The following SLC2A5 variants were observed in gnomAD, a reference collection of about 807,000 sequenced individuals.
SLC2A5 encodes solute carrier family 2 member 5, also known as solute carrier family 2, facilitated glucose transporter member 5.
Under a neutral mutation model 50.3 loss-of-function variants are expected in SLC2A5, and 56 were observed. The observed-to-expected ratio is 1.11, with a 90% confidence interval of 0.90 to 1.39. The LOEUF (loss-of-function observed/expected upper bound fraction) is 1.39. Ranked by LOEUF, SLC2A5 falls within the 40% of genes most tolerant of loss-of-function variation. The probability of loss-of-function intolerance (pLI) is 0.00; values close to 1 mark genes in which losing one functional copy is unlikely to be tolerated. For missense variants in SLC2A5, 566 were observed against 650.1 expected, an observed-to-expected ratio of 0.87 and a Z score of 1.41; for synonymous variants, 269 against 281.9, an observed-to-expected ratio of 0.95 and a Z score of 0.46.
chr1:9,078,308 G>A lies in SLC2A5; in HGVS notation c.-59+6706C>T, dbSNP rs778123802. Among the ~76,000 whole-genome samples the A allele has an allele frequency of 2.0e-5, 3 of 152,148 alleles. No homozygotes were observed. In the East Asian group the frequency reaches 5.8e-4, roughly 29 times the overall value. On this transcript the variant is annotated intron_variant, in intron 2 of 5. Transcript: ENST00000464985. Reference sequence around the variant, plus strand: ...TTTACCACATCCTTTCATCAGCAAGGTTTTTGTGACCTTGTGCTGACTTCT... The same window carrying A: ...TTTACCACATCCTTTCATCAGCAAGATTTTTGTGACCTTGTGCTGACTTCT...
chr1:9,092,685 C>T (rs1176386703), upstream of SLC2A5, among the ~76,000 whole-genome samples: 1 of 152,152 alleles, frequency 6.6e-6, no homozygotes, highest in Non-Finnish European at 1.5e-5. Context: ...CTACTGTCGC[C>T]TCCAAATTAA....
intron 11 of SLC2A5, 53 bp from the exon 12 acceptor site, chr1:9,037,842 C>T (rs901852998): frequency 3.6e-5 from 58 of 1,613,696 alleles, no homozygotes; most frequent in South Asian, 7.7e-5. Flanking sequence ...CCCAGGGGCT[C>T]GCACTGTACT....
chr1:9,064,734 G>A (rs895570106), intron 1 of SLC2A5, among the ~76,000 whole-genome samples: 41 of 152,084 alleles, frequency 2.7e-4, no homozygotes, highest in African/African-American at 9.9e-4. Flanking sequence ...GCCATACACC[G>A]GACACCACAG....
chr1:9,062,789 T>C (rs979072222), intron 1 of SLC2A5, among the ~76,000 whole-genome samples: 1 of 152,112 alleles, frequency 6.6e-6, no homozygotes, highest in Admixed American at 6.5e-5. Flanking sequence ...GGAGAATCGC[T>C]TGAACCTGGG....
chr1:9,061,801 G>C (rs1569891680), intron 1 of SLC2A5, among the ~76,000 whole-genome samples: 1 of 152,088 alleles, frequency 6.6e-6, no homozygotes, highest in Non-Finnish European at 1.5e-5. Context: ...TGGTGGAGCT[G>C]GCTGGTTCCC....
intron 1 of SLC2A5, among the ~76,000 whole-genome samples, chr1:9,087,751 T>C (rs920190080): frequency 7.9e-5 from 12 of 152,122 alleles, no homozygotes; most frequent in Non-Finnish European, 7.4e-5. Flanking sequence ...TACTCTCCGG[T>C]GGGCTCTCAA....
chr1:9,069,233 T>C (rs562020317), intron 1 of SLC2A5, among the ~76,000 whole-genome samples: 1 of 152,330 alleles, frequency 6.6e-6, no homozygotes, highest in African/African-American at 2.4e-5. Flanking sequence ...GACAAATGAA[T>C]CCTTTGGGTC....
At chr1:9,045,327 G>A (rs1038548346) in intron 4 of SLC2A5, among the ~76,000 whole-genome samples, 2 of 152,164 alleles carry the variant, frequency 1.3e-5, no homozygotes, top group Non-Finnish European at 2.9e-5. Context: ...ACCCACATGA[G>A]CAAAAGCTCT....
chr1:9,082,582 T>C (rs866335361), intron 2 of SLC2A5: 43 of 158,752 alleles, frequency 2.7e-4, no homozygotes, highest in Admixed American at 1.9e-3. Context: ...ACGTGCTACA[T>C]GAGCTTCAAA....
At chr1:9,047,819 A>G (rs926291767) in intron 3 of SLC2A5, 85 bp from the exon 4 acceptor site, 7 of 1,417,558 alleles carry the variant, frequency 4.9e-6, no homozygotes, top group South Asian at 1.3e-5. Context: ...TCCTCTGCAT[A>G]GGCTCCAGCA....
intron 2 of SLC2A5, among the ~76,000 whole-genome samples, chr1:9,075,666 T>C (rs1642274064): frequency 6.8e-6 from 1 of 147,574 alleles, no homozygotes; most frequent in Non-Finnish European, 1.5e-5. Context: ...GGATTTTCAA[T>C]TTTTTTTTTT....
chr1:9,041,547 C>A, intron 5 of SLC2A5: 2 of 1,363,440 alleles, frequency 1.5e-6, no homozygotes, highest in African/African-American at 1.5e-5. Flanking sequence ...CTCAAAGCCA[C>A]CTCATCCATC....
chr1:9,087,927 T>C (rs1452449273), intron 1 of SLC2A5, among the ~76,000 whole-genome samples: 1 of 152,140 alleles, frequency 6.6e-6, no homozygotes, highest in Non-Finnish European at 1.5e-5. Flanking sequence ...ATTTGGCTTA[T>C]GGGGGAACCT....
At position 9,053,198 on chromosome 1, in the gene SLC2A5, ATATAT is replaced by A. The variant is rs370791323; in HGVS notation, c.293+4245_293+4249del. Reference sequence around the variant, plus strand: ...TTATATATTTATATATTATATATTTATATATTATATTTATATATTATATATTTATA... The same window carrying A: ...TTATATATTTATATATTATATATTTATATATTTATATATTATATATTTATA... On this transcript the variant is annotated intron_variant, in intron 3 of 11. Transcript: ENST00000377424. Among the ~76,000 whole-genome samples the A allele has an allele frequency of 2.0e-3, 178 of 89,784 alleles. 1 individual carries two copies. The highest frequency in any genetic ancestry group is 8.3e-3 in the Admixed American group (43 of 5,210). The allele number at this position is 89,784 out of a possible 152,430, so 58.9% of individuals were successfully genotyped here.
At chr1:9,070,072 GTTTTT>G (rs56828280), upstream of SLC2A5, among the ~76,000 whole-genome samples, 35 of 62,502 alleles carry the variant, frequency 5.6e-4, no homozygotes, top group African/African-American at 1.9e-3. Flanking sequence ...CTCATTTTCT[GTTTTT>G]TTTTTTTTTT....
upstream of SLC2A5, among the ~76,000 whole-genome samples, chr1:9,073,531 C>T (rs1642247677): frequency 1.3e-5 from 2 of 152,250 alleles, no homozygotes; most frequent in African/African-American, 4.8e-5. Context: ...GGGCCCCTTA[C>T]CCTGTGGAGC....
At chr1:9,051,741 T>C (rs955793643) in intron 3 of SLC2A5, among the ~76,000 whole-genome samples, 1 of 152,202 alleles carries the variant, frequency 6.6e-6, no homozygotes, top group African/African-American at 2.4e-5. Flanking sequence ...ATTAAACATA[T>C]GCTTATCTGT....
chr1:9,067,841 A>T (rs1295318330), intron 1 of SLC2A5, among the ~76,000 whole-genome samples: 1 of 152,114 alleles, frequency 6.6e-6, no homozygotes, highest in Non-Finnish European at 1.5e-5. Context: ...GCCAGTGCCA[A>T]ATGGAAATCA....
At chr1:9,081,286 A>AAG (rs1268316544) in intron 2 of SLC2A5, among the ~76,000 whole-genome samples, 3 of 145,112 alleles carry the variant, frequency 2.1e-5, no homozygotes, top group African/African-American at 8.0e-5. Context: ...AAAACCCCAA[A>AAG]AAAAAAAAAC....
Sources: gnomAD v4.1 joint callset for allele counts (sites outside exome capture counted in the v4.1 genomes callset) on GRCh38, gnomAD v4.1.1 for gene constraint, MANE v1.5 for transcripts, NCBI Gene and HGNC (gene_info 2026-07-23, HGNC 2026-07-21) for gene names.